Variants in PIGK observed in about 807,000 individuals in gnomAD.
PIGK encodes GPI-anchor transamidase.
Under a neutral mutation model 50.6 loss-of-function variants are expected in PIGK, and 42 were observed. The observed-to-expected ratio is 0.83, with a 90% confidence interval of 0.65 to 1.07. PIGK has a LOEUF of 1.07. Ranked by LOEUF, PIGK falls within the 50% of genes least tolerant of loss-of-function variation. The pLI, the probability that PIGK is intolerant of heterozygous loss-of-function variation, is 0.00. For synonymous variants in PIGK, 151 were observed against 156.0 expected, an observed-to-expected ratio of 0.97 and a Z score of 0.24; for missense variants, 448 against 488.7, an observed-to-expected ratio of 0.92 and a Z score of 0.78.
intron 10 of PIGK, among the ~76,000 whole-genome samples, chr1:77,121,703 G>A (rs978363024): frequency 1.3e-5 from 2 of 152,200 alleles, no homozygotes; most frequent in African/African-American, 4.8e-5. Flanking sequence ...GAGGTTATAT[G>A]CTGTCAAATT....
At chr1:77,169,137 C>A (rs947394886) in intron 4 of PIGK, 123 bp downstream of exon 4, 2 of 561,138 alleles carry the variant, frequency 3.6e-6, no homozygotes, top group African/African-American at 3.9e-5. Context: ...AGAGAAGTTA[C>A]ATCAAGGCTT....
intron 10 of PIGK, among the ~76,000 whole-genome samples, chr1:77,113,038 T>C (rs1347936661): frequency 6.6e-6 from 1 of 152,124 alleles, no homozygotes; most frequent in Admixed American, 6.5e-5. Flanking sequence ...TTTGGCATAG[T>C]TATAAAATTG....
chr1:77,182,640 G>A (rs1655645699), intron 3 of PIGK, among the ~76,000 whole-genome samples: 1 of 152,124 alleles, frequency 6.6e-6, no homozygotes, highest in Non-Finnish European at 1.5e-5. Flanking sequence ...TTGGTACGAG[G>A]AGTGATCCTA....
chr1:77,136,170 T>G (rs1048116264), intron 9 of PIGK, among the ~76,000 whole-genome samples: 1 of 152,208 alleles, frequency 6.6e-6, no homozygotes, highest in Admixed American at 6.5e-5. Flanking sequence ...AAGCTAATAG[T>G]AATTTTCTCT....
At chr1:77,214,850 T>C (rs1277715192) in intron 1 of PIGK, among the ~76,000 whole-genome samples, 1 of 152,128 alleles carries the variant, frequency 6.6e-6, no homozygotes, top group Non-Finnish European at 1.5e-5. Context: ...CGTTTCTATA[T>C]ACCAATAATG....
At chr1:77,115,439 A>AT (rs780461984) in intron 10 of PIGK, among the ~76,000 whole-genome samples, 1,477 of 144,328 alleles carry the variant, frequency 0.01, 7 homozygotes, top group Middle Eastern at 0.029. Context: ...AGGTGAGGGC[A>AT]TTTTTTTTTT....
intron 10 of PIGK, among the ~76,000 whole-genome samples, chr1:77,115,964 T>G (rs982277717): frequency 4.6e-5 from 7 of 152,140 alleles, no homozygotes; most frequent in African/African-American, 1.7e-4. Context: ...AGAGAAAGCC[T>G]AGAAGATGGT....
chr1:77,092,231 T>C lies in PIGK; in HGVS notation c.*143A>G, dbSNP rs1344937522. Reference sequence around the variant, plus strand: ...TTAACAATTATTTTTCTTTAAGTTATAAAATTAATAGTTGATTCAAATTTA... The same window carrying C: ...TTAACAATTATTTTTCTTTAAGTTACAAAATTAATAGTTGATTCAAATTTA... On this transcript the variant is annotated 3_prime_UTR_variant, in exon 11 of 11. Coordinates refer to ENST00000370812, the MANE Select transcript of PIGK (RefSeq NM_005482.3). The C allele has an allele frequency of 3.3e-5, 16 of 482,810 alleles. No individual in the cohort carries two copies. Among genetic ancestry groups the C allele is most frequent in the Admixed American group, 7.7e-5 (2 of 25,876 alleles). The allele number at this position is 482,810 out of a possible 1,614,324, so 29.9% of individuals were successfully genotyped here.
At chr1:77,159,580 AG>A (rs1164483196) in intron 8 of PIGK, among the ~76,000 whole-genome samples, 1 of 152,224 alleles carries the variant, frequency 6.6e-6, no homozygotes, top group Non-Finnish European at 1.5e-5. Flanking sequence ...CAAAGCCACA[AG>A]GGCAAAGCTG....
At position 77,107,918 on chromosome 1, in the gene PIGK, CT is replaced by C. The variant is rs905170111; in HGVS notation, c.1071+14356del. 3.5e-4 allele frequency among the ~76,000 whole-genome samples: 53 copies of C among 152,044 alleles called. 1 individual carries two copies. Among genetic ancestry groups the C allele is most frequent in the African/African-American group, 1.3e-3 (52 of 41,488 alleles). ...CAGAGACTAGGATTGCAATCCCTGC[CT>C]TTTTTTGTTTTCCATTTGCTTGGTA... On this transcript the variant is annotated intron_variant, in intron 10 of 10. Transcript: ENST00000370812.
chr1:77,188,341 C>A (rs866606381), intron 3 of PIGK, among the ~76,000 whole-genome samples: 1 of 152,062 alleles, frequency 6.6e-6, no homozygotes, highest in South Asian at 2.1e-4. Context: ...CCCCCAGGTG[C>A]GCCTGTCTCT....
intron 3 of PIGK, among the ~76,000 whole-genome samples, chr1:77,189,886 C>T (rs1468457591): frequency 2.0e-5 from 3 of 151,446 alleles, no homozygotes; most frequent in Non-Finnish European, 4.4e-5. Context: ...AAAATAAGCA[C>T]ATTACAAGCA....
chr1:77,187,288 T>C (rs926715386), intron 3 of PIGK, among the ~76,000 whole-genome samples: 1 of 152,110 alleles, frequency 6.6e-6, no homozygotes, highest in Admixed American at 6.5e-5. Context: ...GTACTGTTTC[T>C]CCCATAGCCA....
At chr1:77,153,438 G>A (rs528657477) in intron 9 of PIGK, 1 of 152,058 alleles carries the variant, frequency 6.6e-6, no homozygotes, top group Non-Finnish European at 1.5e-5. Flanking sequence ...TGACAGAATA[G>A]TAGGGAAATT....
intron 10 of PIGK, 32 bp from the exon 11 acceptor site, chr1:77,092,522 T>A (rs761444951): frequency 1.8e-6 from 2 of 1,099,430 alleles, no homozygotes; most frequent in Non-Finnish European, 2.7e-6. Context: ...ATAAATTTTA[T>A]AACAGGTAAA....
rs754181796 is a variant in PIGK at position 77,122,339 on chromosome 1, T to C, written c.1007A>G (p.Asp336Gly). ...MESSYKEDQM[D>G]EKLMEPLKYA... ...TTTCAGAGGTTCCATTAGTTTCTCA[T>C]CCATCTGGTCTTCCTTATAGCTGGA... Residue 336 changes from aspartate to glycine, a missense_variant, in exon 10 of 11, where the codon GAT becomes GGT. By Grantham distance (94) the Asp-to-Gly change is moderately conservative. Coordinates refer to ENST00000370812, the MANE Select transcript of PIGK (RefSeq NM_005482.3). The C allele has an allele frequency of 2.5e-6, 4 of 1,600,810 alleles. No individual in the cohort carries two copies. The African/African-American group carries it at 5.4e-5, about 21-fold the overall frequency.
intron 9 of PIGK, chr1:77,129,107 T>A: frequency 1.0e-6 from 1 of 953,502 alleles, no homozygotes; most frequent in South Asian, 1.3e-5. Context: ...TGAGGTAATC[T>A]GTGAAAATGG....
chr1:77,151,672 C>G (rs968347641), intron 9 of PIGK, among the ~76,000 whole-genome samples: 8 of 152,014 alleles, frequency 5.3e-5, no homozygotes, highest in Non-Finnish European at 1.5e-5. Flanking sequence ...CATCAACATA[C>G]AGAAATCAGT....
At chr1:77,201,088 C>T (rs1416186470) in intron 3 of PIGK, among the ~76,000 whole-genome samples, 3 of 152,060 alleles carry the variant, frequency 2.0e-5, no homozygotes, top group African/African-American at 7.2e-5. Context: ...TGTCCTCTTA[C>T]GTATAAGGCC....
Sources: allele counts gnomAD v4.1 joint callset (sites outside exome capture counted in the v4.1 genomes callset), GRCh38; gene constraint gnomAD v4.1.1; transcripts MANE v1.5; gene names NCBI Gene and HGNC (gene_info 2026-07-23, HGNC 2026-07-21).